Variants in SLC71A2 observed in about 807,000 individuals in gnomAD.
SLC71A2 encodes solute carrier family 71 member 2.
chr9:94,389,099 A>G, the SLC71A2 span, among the ~76,000 whole-genome samples: 1 of 151,724 alleles, frequency 6.6e-6, no homozygotes, highest in Non-Finnish European at 1.5e-5. Flanking sequence ...AGAGCACTAA[A>G]GGCCAGAAAA....
the SLC71A2 span, chr9:94,429,133 A>C: frequency 6.2e-7 from 1 of 1,601,880 alleles, no homozygotes; most frequent in Non-Finnish European, 8.5e-7. Context: ...AGAGGCAGAA[A>C]ATTTTTCCTT....
At chr9:94,445,215 A>C in the SLC71A2 span, 1 of 1,519,620 alleles carries the variant, frequency 6.6e-7, no homozygotes, top group African/African-American at 1.4e-5. Context: ...TTACTTTCCT[A>C]AATGTCTTTC....
chr9:94,460,509 A>G, the SLC71A2 span: 14 of 151,786 alleles, frequency 9.2e-5, no homozygotes, highest in Admixed American at 7.9e-4. Context: ...GAGTTTCACG[A>G]TAAGTGTCTT....
chr9:94,428,301 A>AT, the SLC71A2 span, among the ~76,000 whole-genome samples: 33 of 148,904 alleles, frequency 2.2e-4, no homozygotes, highest in East Asian at 2.9e-3. Flanking sequence ...TTTTTGGAAG[A>AT]TTTTTTCTTA....
the SLC71A2 span, among the ~76,000 whole-genome samples, chr9:94,382,918 C>T: frequency 6.6e-6 from 1 of 152,170 alleles, no homozygotes; most frequent in Non-Finnish European, 1.5e-5. Context: ...TGGTCTCAAT[C>T]TCCTGACCTC....
the SLC71A2 span, chr9:94,459,588 T>G: frequency 1.8e-6 from 1 of 568,258 alleles, no homozygotes; most frequent in Non-Finnish European, 3.0e-6. Flanking sequence ...TTTTTTTCTC[T>G]TACATTCTTT....
At chr9:94,383,991 TTTAA>T in the SLC71A2 span, among the ~76,000 whole-genome samples, 1 of 152,248 alleles carries the variant, frequency 6.6e-6, no homozygotes, top group African/African-American at 2.4e-5. Flanking sequence ...TAAAAAATTG[TTTAA>T]TTGTGGTAAA....
chr9:94,388,366 A>C, the SLC71A2 span, among the ~76,000 whole-genome samples: 2 of 152,220 alleles, frequency 1.3e-5, no homozygotes, highest in Non-Finnish European at 2.9e-5. Context: ...TGTACACTAA[A>C]AAAAAGGCCA....
At chr9:94,404,444 C>T in the SLC71A2 span, among the ~76,000 whole-genome samples, 3 of 152,016 alleles carry the variant, frequency 2.0e-5, no homozygotes, top group Non-Finnish European at 2.9e-5. Context: ...CACAGGCATG[C>T]GCCACCATGC....
the SLC71A2 span, among the ~76,000 whole-genome samples, chr9:94,424,028 T>C: frequency 6.6e-6 from 1 of 152,204 alleles, no homozygotes; most frequent in Non-Finnish European, 1.5e-5. Context: ...AGGGGGTCAG[T>C]ATTCACTTTG....
chr9:94,440,067 G>T, the SLC71A2 span, among the ~76,000 whole-genome samples: 1 of 151,982 alleles, frequency 6.6e-6, no homozygotes, highest in African/African-American at 2.4e-5. Context: ...TATTCCTATT[G>T]TATCCACAGA....
At chr9:94,379,676 C>T in the SLC71A2 span, among the ~76,000 whole-genome samples, 40 of 152,234 alleles carry the variant, frequency 2.6e-4, no homozygotes, top group Admixed American at 5.9e-4. Context: ...TAGGCATGAG[C>T]CACCATGCCT....
At chr9:94,443,987 T>C in the SLC71A2 span, among the ~76,000 whole-genome samples, 2 of 152,246 alleles carry the variant, frequency 1.3e-5, no homozygotes, top group Non-Finnish European at 2.9e-5. Context: ...GTTTTAGCTT[T>C]TATAGTACTT....
At chr9:94,399,059 G>A in the SLC71A2 span, among the ~76,000 whole-genome samples, 6 of 151,910 alleles carry the variant, frequency 3.9e-5, no homozygotes, top group East Asian at 1.9e-4. Flanking sequence ...CAGGTGATCC[G>A]CCCACCTTGG....
At chr9:94,459,595 C>CT in the SLC71A2 span, 88,492 of 446,346 alleles carry the variant, frequency 0.2, 3,333 homozygotes, top group Middle Eastern at 0.28. Context: ...CTCTTACATT[C>CT]TTTTTTTTTT....
At chr9:94,439,110 C>T in the SLC71A2 span, among the ~76,000 whole-genome samples, 1 of 147,602 alleles carries the variant, frequency 6.8e-6, no homozygotes, top group Admixed American at 6.9e-5. Flanking sequence ...CAACCTCCGC[C>T]TCCCAGGTTC....
At chr9:94,403,281 C>T in the SLC71A2 span, among the ~76,000 whole-genome samples, 5 of 152,200 alleles carry the variant, frequency 3.3e-5, no homozygotes, top group East Asian at 7.7e-4. Flanking sequence ...GGATTACAGG[C>T]GCCCGCCACC....
the SLC71A2 span, among the ~76,000 whole-genome samples, chr9:94,442,706 C>T: frequency 4.0e-5 from 6 of 151,830 alleles, no homozygotes; most frequent in African/African-American, 7.3e-5. Context: ...AAAAATTAGC[C>T]GAGCGTGGTG....
At chr9:94,425,890 G>C in the SLC71A2 span, among the ~76,000 whole-genome samples, 1 of 152,058 alleles carries the variant, frequency 6.6e-6, no homozygotes, top group Non-Finnish European at 1.5e-5. Context: ...AAGTAAGATG[G>C]AGTCGGTTAA....
Sources: allele counts gnomAD v4.1 joint callset (sites outside exome capture counted in the v4.1 genomes callset), GRCh38; gene constraint gnomAD v4.1.1; transcripts MANE v1.5; gene names NCBI Gene and HGNC (gene_info 2026-07-23, HGNC 2026-07-21).